Variants in ELP1 observed in about 807,000 individuals in gnomAD.
ELP1 encodes the protein elongator acetyltransferase complex subunit 1, also known as elongator complex protein 1.
A neutral mutation model predicts 183.2 loss-of-function variants in ELP1; 131 were observed. That is an observed-to-expected ratio of 0.72 (90% CI 0.62 to 0.83). ELP1 has a LOEUF of 0.83. Ranked by LOEUF, ELP1 falls within the 40% of genes least tolerant of loss-of-function variation. The pLI is 0.00. For missense variants in ELP1, 1,550 were observed against 1,594.9 expected (o/e 0.97, Z 0.48); for synonymous variants, 555 against 569.0 (o/e 0.98, Z 0.35).
intron 2 of ELP1, among the ~76,000 whole-genome samples, chr9:108,930,583 G>A (rs372303295): frequency 2.6e-5 from 4 of 151,836 alleles, no homozygotes; most frequent in Admixed American, 6.6e-5. Context: ...CCAGCTTCTC[G>A]GGAGGCTGAG....
chr9:108,906,276 G>A (rs377390580), intron 14 of ELP1, 27 bp downstream of exon 14: 18 of 1,609,368 alleles, frequency 1.1e-5, no homozygotes, highest in African/African-American at 1.3e-5. Context: ...TGCTTAACAT[G>A]TGGAGTACAG....
At chr9:108,901,969 G>A (rs898203419) in intron 16 of ELP1, among the ~76,000 whole-genome samples, 24 of 151,996 alleles carry the variant, frequency 1.6e-4, no homozygotes, top group South Asian at 2.1e-4. Flanking sequence ...TTCCAGTCTC[G>A]TCACTCTCCA....
At chr9:108,911,852 A>AT (rs1564095927) in intron 11 of ELP1, among the ~76,000 whole-genome samples, 1 of 152,178 alleles carries the variant, frequency 6.6e-6, no homozygotes, top group Admixed American at 6.5e-5. Context: ...GGAGAGGTAT[A>AT]TATCAGCAAG....
intron 31 of ELP1, among the ~76,000 whole-genome samples, chr9:108,881,462 A>G (rs1827926924): frequency 6.6e-6 from 1 of 152,232 alleles, no homozygotes; most frequent in African/African-American, 2.4e-5. Flanking sequence ...ACTATTTCCA[A>G]ATACAAAGAT....
rs559498694 is a variant in ELP1 at position 108,877,493 on chromosome 9, A to G, written c.3855+502T>C. 7.2e-5 allele frequency among the ~76,000 whole-genome samples: 11 copies of G among 152,370 alleles called. No homozygotes were observed. The South Asian group carries it at 2.3e-3, about 32-fold the overall frequency. On this transcript the variant is annotated intron_variant, in intron 35 of 36. Coordinates refer to ENST00000374647, the MANE Select transcript of ELP1 (RefSeq NM_003640.5). ...AGGTATAAATAATAAACAGATGACA[A>G]TATACTAGAATTCTGCGATACAAAG...
rs1047355566 is a variant in ELP1 at position 108,892,978 on chromosome 9, C to T, written c.2958+8G>A. The T allele has an allele frequency of 1.9e-6, 3 of 1,602,868 alleles. No homozygotes were observed. The highest frequency in any genetic ancestry group is 1.7e-6 in the Non-Finnish European group (2 of 1,169,720). ...ACCAGGAGAGCCTCATTTTCACATA[C>T]CACATACCTGGTACTGTTGTGAGCT... On this transcript the variant is annotated splice_region_variant and intron_variant, in intron 27 of 36. Coordinates refer to ENST00000374647, the MANE Select transcript of ELP1 (RefSeq NM_003640.5).
chr9:108,896,936 T>C lies in ELP1; in HGVS notation c.2587+17A>G, dbSNP rs1255063807. 1.2e-6 allele frequency: 2 copies of C among 1,609,796 alleles called. No individual in the cohort carries two copies. The highest frequency in any genetic ancestry group is 1.7e-6 in the Non-Finnish European group (2 of 1,176,162). On this transcript the variant is annotated intron_variant, in intron 24 of 36. Coordinates refer to ENST00000374647, the MANE Select transcript of ELP1 (RefSeq NM_003640.5). ...TCACGGCCACCTTAAGCACTTTCTC[T>C]GTGAGCGGATCTCTACCTTGAAGCT...
In ELP1 at chr9:108,903,448, G is replaced by C. The variant is rs16913675; in HGVS notation, c.1750+115C>G. On this transcript the variant is annotated intron_variant, in intron 15 of 36. Transcript: ENST00000374647. ...CCACTCTAAAGCTTAGGGTTTTCCAGGGTAGTTAAAAGACCTGACAATCAA... is the reference window on the plus strand; with the variant it reads ...CCACTCTAAAGCTTAGGGTTTTCCACGGTAGTTAAAAGACCTGACAATCAA... The C allele has an allele frequency of 0.056, 42,764 of 770,502 alleles. 1,496 individuals are homozygous for C. Among genetic ancestry groups the C allele is most frequent in the African/African-American group, 0.11 (6,237 of 58,344 alleles). 47.7% of individuals were successfully genotyped at this position (770,502 alleles called of 1,614,324 possible). A position where few individuals can be genotyped will look rare whatever the true frequency, so the allele number is the denominator to read the frequency against.
Position 108,919,305 on chromosome 9 carries a change from G to C in ELP1, c.597C>G (p.Thr199=), listed in dbSNP as rs1452238002. The change falls in exon 7 of 37, where the codon ACC becomes ACG. Residue 199 remains threonine (T), a synonymous_variant. Coordinates refer to ENST00000374647, the MANE Select transcript of ELP1 (RefSeq NM_003640.5). ...LPWDDHRPQV[T]WRGDGQFFAV... ...CAAAAAACTGTCCATCCCCCCGCCA[G>C]GTAACTTGTGGTCTATGGTCATCCC... 4 of 1,613,750 alleles carry C rather than the reference G, an allele frequency of 2.5e-6. No homozygotes were observed. Among genetic ancestry groups the C allele is most frequent in the African/African-American group, 2.7e-5 (2 of 74,864 alleles).
intron 25 of ELP1, among the ~76,000 whole-genome samples, chr9:108,894,295 G>A (rs543475650): frequency 7.8e-4 from 119 of 152,270 alleles, no homozygotes; most frequent in African/African-American, 2.8e-3. Context: ...GCATACCCCA[G>A]TCCTACATTT....
intron 1 of ELP1, among the ~76,000 whole-genome samples, chr9:108,932,437 G>A (rs1360572788): frequency 2.0e-5 from 3 of 152,142 alleles, no homozygotes; most frequent in Non-Finnish European, 2.9e-5. Context: ...TGCCTCCCGG[G>A]TTCAAGCGAT....
At position 108,880,078 on chromosome 9, in the gene ELP1, T is replaced by C. The variant is rs1827866165; in HGVS notation, c.3434A>G (p.Lys1145Arg). The C allele has an allele frequency of 6.2e-7, 1 of 1,613,822 alleles. No individual in the cohort carries two copies. The highest frequency in any genetic ancestry group is 1.3e-5 in the African/African-American group (1 of 74,942). ...CAGACCTGCCTGCTGGGCTTGCTCCTTGAGCTCTCGAACTACCAATAAACG... is the reference window on the plus strand; with the variant it reads ...CAGACCTGCCTGCTGGGCTTGCTCCCTGAGCTCTCGAACTACCAATAAACG... ...KKRLLVVREL[K>R]EQAQQAGLDD... Residue 1145 changes from lysine (K) to arginine (R), a missense_variant, in exon 32 of 37, where the codon AAG (lysine) becomes AGG (arginine). Physicochemically the swap from Lys to Arg is conservative, Grantham distance 26 (BLOSUM62 2). Transcript: ENST00000374647.
At chr9:108,886,520 C>A (rs975813824) in intron 29 of ELP1, among the ~76,000 whole-genome samples, 1 of 152,142 alleles carries the variant, frequency 6.6e-6, no homozygotes, top group Non-Finnish European at 1.5e-5. Context: ...GTTGGTTTAA[C>A]AGTAGAAAAT....
chr9:108,916,338 G>A, intron 9 of ELP1, 41 bp from the exon 10 acceptor site: 2 of 1,455,574 alleles, frequency 1.4e-6, no homozygotes, highest in Non-Finnish European at 1.9e-6. Flanking sequence ...TTCAGTTATG[G>A]ATTTACTTCC....
intron 27 of ELP1, among the ~76,000 whole-genome samples, chr9:108,891,909 A>G (rs1004796211): frequency 3.9e-5 from 6 of 152,208 alleles, no homozygotes; most frequent in African/African-American, 9.7e-5. Flanking sequence ...ATGGCCATGC[A>G]GCAGGAATGT....
At chr9:108,876,731 CTTTT>C (rs35897844) in intron 35 of ELP1, among the ~76,000 whole-genome samples, 3 of 138,414 alleles carry the variant, frequency 2.2e-5, no homozygotes, top group African/African-American at 2.7e-5. Context: ...GATTGGCTGG[CTTTT>C]TTTTTTTTTT....
At position 108,878,165 on chromosome 9, in the gene ELP1, T is replaced by C; in HGVS notation, c.3701-16A>G. On this transcript the variant is annotated splice_polypyrimidine_tract_variant and intron_variant, in intron 34 of 36. Transcript: ENST00000374647. ...TATACTTCATCTAGAGAGAAGAAAT[T>C]TGAAAGAGTGGTAAGTTATATTCCC... 1 of 1,599,064 alleles carries C rather than the reference T, an allele frequency of 6.3e-7. No individual in the cohort carries two copies. Among genetic ancestry groups the C allele is most frequent in the Non-Finnish European group, 8.6e-7 (1 of 1,166,376 alleles).
At position 108,931,008 on chromosome 9, in the gene ELP1, C is replaced by T. The variant is rs151209640; in HGVS notation, c.139G>A (p.Val47Ile). ...SEHGLIEVDP[V>I]SREVKNEVSL... ...CATCAGTAACTTACTTCTCTTGAGA[C>T]AGGGTCTACTTCTATCAGGCCATGT... Residue 47 changes from valine (V) to isoleucine (I), a missense_variant, in exon 2 of 37, where the codon GTC becomes ATC. Physicochemically the swap from Val to Ile is conservative, Grantham distance 29. Transcript: ENST00000374647. The T allele has an allele frequency of 1.2e-6, 2 of 1,614,128 alleles. No individual in the cohort carries two copies. Among genetic ancestry groups the T allele is most frequent in the East Asian group, 2.2e-5 (1 of 44,874 alleles).
chr9:108,890,230 G>A (rs1414101208), intron 28 of ELP1, among the ~76,000 whole-genome samples: 3 of 152,100 alleles, frequency 2.0e-5, no homozygotes, highest in African/African-American at 4.8e-5. Flanking sequence ...AGGAATTCTC[G>A]ACATTTGTAA....
Sources: gnomAD v4.1 joint callset for allele counts (sites outside exome capture counted in the v4.1 genomes callset) on GRCh38, gnomAD v4.1.1 for gene constraint, MANE v1.5 for transcripts, NCBI Gene and HGNC (gene_info 2026-07-23, HGNC 2026-07-21) for gene names.